Variants in NFIA observed in about 807,000 individuals in gnomAD.
The protein encoded by NFIA is nuclear factor I A.
NFIA carries 8 observed loss-of-function variants against 62.8 expected under a neutral mutation model. The ratio of observed to expected loss-of-function variants is 0.13; its 90% CI spans 0.07 to 0.23. The LOEUF (loss-of-function observed/expected upper bound fraction) is 0.23. Ranked by LOEUF, NFIA falls within the 10% of genes least tolerant of loss-of-function variation. The pLI, the probability that NFIA is intolerant of heterozygous loss-of-function variation, is 1.00. For missense variants in NFIA, 410 were observed against 642.1 expected (o/e 0.64, Z 3.91); for synonymous variants, 235 against 238.1 (o/e 0.99, Z 0.12).
intron 4 of NFIA, among the ~76,000 whole-genome samples, chr1:61,338,593 T>G (rs1306736166): frequency 6.6e-6 from 1 of 152,232 alleles, no homozygotes; most frequent in East Asian, 1.9e-4. Flanking sequence ...ATTGGCAATA[T>G]TCTAACCTGA....
intron 2 of NFIA, among the ~76,000 whole-genome samples, chr1:61,264,300 C>T (rs1362268561): frequency 6.6e-6 from 1 of 152,004 alleles, no homozygotes; most frequent in Non-Finnish European, 1.5e-5. Flanking sequence ...TCCCAGCAAA[C>T]ATGATTTTCT....
intron 1 of NFIA, among the ~76,000 whole-genome samples, chr1:61,083,655 C>T (rs1012074169): frequency 6.6e-5 from 10 of 151,516 alleles, no homozygotes; most frequent in South Asian, 2.1e-4. Flanking sequence ...TTGTGCAGGG[C>T]GCCGAACGCC....
chr1:61,276,757 C>T, intron 2 of NFIA, among the ~76,000 whole-genome samples: 1 of 152,010 alleles, frequency 6.6e-6, no homozygotes, highest in Middle Eastern at 3.4e-3. Context: ...TCCCTTATTT[C>T]ATTTAGAAAT....
intron 3 of NFIA, among the ~76,000 whole-genome samples, chr1:61,331,618 A>G (rs931778618): frequency 1.3e-5 from 2 of 152,188 alleles, no homozygotes; most frequent in Non-Finnish European, 2.9e-5. Flanking sequence ...GGAAAGACTA[A>G]GCTGACCTTG....
At chr1:61,193,559 A>C (rs1337738164) in intron 2 of NFIA, among the ~76,000 whole-genome samples, 2 of 152,226 alleles carry the variant, frequency 1.3e-5, no homozygotes, top group Non-Finnish European at 2.9e-5. Flanking sequence ...CTCTGTTGGC[A>C]AAATTCATTG....
rs370643190 is a variant in NFIA at position 61,138,916 on chromosome 1, G to A, written c.559+50236G>A. On this transcript the variant is annotated intron_variant, in intron 2 of 10. Coordinates refer to ENST00000403491, the MANE Select transcript of NFIA (RefSeq NM_001134673.4). Reference sequence around the variant, plus strand: ...CATTTTAAATTCACTGGGGCTGGGCGCAGTGGCTCATGCCTGTAACCCCAG... The same window carrying A: ...CATTTTAAATTCACTGGGGCTGGGCACAGTGGCTCATGCCTGTAACCCCAG... Among the ~76,000 whole-genome samples the A allele has an allele frequency of 4.0e-5, 6 of 151,856 alleles. No individual in the cohort carries two copies. The East Asian group carries it at 1.2e-3, about 31-fold the overall frequency.
At chr1:61,216,045 T>C (rs1653603632) in intron 2 of NFIA, among the ~76,000 whole-genome samples, 1 of 152,228 alleles carries the variant, frequency 6.6e-6, no homozygotes, top group Admixed American at 6.5e-5. Flanking sequence ...CTATGAACCT[T>C]GCATGGTGCT....
intron 2 of NFIA, among the ~76,000 whole-genome samples, chr1:61,179,639 T>G (rs1205239980): frequency 9.2e-5 from 14 of 152,256 alleles, no homozygotes; most frequent in African/African-American, 3.1e-4. Context: ...AAGGCTGCTA[T>G]CTTGGCTCAA....
At chr1:61,351,396 T>A (rs1662542870) in intron 4 of NFIA, among the ~76,000 whole-genome samples, 1 of 152,234 alleles carries the variant, frequency 6.6e-6, no homozygotes, top group Non-Finnish European at 1.5e-5. Flanking sequence ...TAACCCTTAT[T>A]GTTATTTCTT....
chr1:61,290,234 A>G (rs1658789853), intron 3 of NFIA, among the ~76,000 whole-genome samples: 1 of 152,146 alleles, frequency 6.6e-6, no homozygotes, highest in Non-Finnish European at 1.5e-5. Context: ...ACCAGATGCC[A>G]TTATGTTTGT....
At chr1:61,110,278 G>A (rs1040930071) in intron 2 of NFIA, among the ~76,000 whole-genome samples, 15 of 149,914 alleles carry the variant, frequency 1.0e-4, no homozygotes, top group African/African-American at 3.4e-4. Context: ...TTACATGAGA[G>A]TTTTTACTCT....
intron 2 of NFIA, among the ~76,000 whole-genome samples, chr1:61,227,061 C>A (rs988679237): frequency 6.6e-6 from 1 of 152,162 alleles, no homozygotes; most frequent in African/African-American, 2.4e-5. Flanking sequence ...TTTAAAGCAC[C>A]ATTCACTGGT....
At chr1:61,218,530 C>T (rs565824899) in intron 2 of NFIA, among the ~76,000 whole-genome samples, 5 of 152,160 alleles carry the variant, frequency 3.3e-5, no homozygotes, top group Admixed American at 6.5e-5. Context: ...ACCGTCATCA[C>T]GTAAAACTTG....
At chr1:61,236,241 T>G (rs536062367) in intron 2 of NFIA, among the ~76,000 whole-genome samples, 17 of 152,182 alleles carry the variant, frequency 1.1e-4, no homozygotes, top group African/African-American at 4.1e-4. Flanking sequence ...GCCATCCTAT[T>G]TAGAGCTGAC....
At chr1:61,105,522 C>T (rs560159293) in intron 2 of NFIA, among the ~76,000 whole-genome samples, 1 of 151,838 alleles carries the variant, frequency 6.6e-6, no homozygotes, top group African/African-American at 2.4e-5. Flanking sequence ...CATGGCCTTT[C>T]TTGTGGTGCT....
chr1:61,181,136 A>G (rs992477721), intron 2 of NFIA, among the ~76,000 whole-genome samples: 3 of 152,244 alleles, frequency 2.0e-5, no homozygotes, highest in African/African-American at 4.8e-5. Flanking sequence ...CTTGCTGTAC[A>G]ATGGATAATT....
intron 3 of NFIA, among the ~76,000 whole-genome samples, chr1:61,325,780 T>C (rs1251499251): frequency 6.6e-6 from 1 of 151,756 alleles, no homozygotes; most frequent in East Asian, 1.9e-4. Flanking sequence ...TAGCAGGGCG[T>C]GGTGGCAGGC....
chr1:61,249,269 C>T (rs1655853383), intron 2 of NFIA, among the ~76,000 whole-genome samples: 1 of 152,130 alleles, frequency 6.6e-6, no homozygotes, highest in Admixed American at 6.5e-5. Flanking sequence ...ATTTAGACCA[C>T]AACAACATGG....
intron 4 of NFIA, among the ~76,000 whole-genome samples, chr1:61,335,013 A>G (rs1286463350): frequency 6.6e-6 from 1 of 152,200 alleles, no homozygotes; most frequent in Non-Finnish European, 1.5e-5. Context: ...ATGGCTGAAC[A>G]GGGATTGAGT....
Sources: gnomAD v4.1 joint callset for allele counts (sites outside exome capture counted in the v4.1 genomes callset) on GRCh38, gnomAD v4.1.1 for gene constraint, MANE v1.5 for transcripts, NCBI Gene and HGNC (gene_info 2026-07-23, HGNC 2026-07-21) for gene names.